CENPE: variants seen among roughly 807,000 people sequenced by gnomAD.
CENPE encodes the protein centromere protein E.
Under a neutral mutation model 336.1 loss-of-function variants are expected in CENPE, and 145 were observed. That is an observed-to-expected ratio of 0.43 (90% CI 0.38 to 0.50). The LOEUF (loss-of-function observed/expected upper bound fraction) is 0.50, where lower values mean the gene tolerates loss of function less well. Ranked by LOEUF, CENPE falls within the 20% of genes least tolerant of loss-of-function variation. The pLI, the probability that CENPE is intolerant of heterozygous loss-of-function variation, is 0.00. For missense variants in CENPE, 2,719 were observed against 3,023.3 expected (o/e 0.90, Z 2.36); for synonymous variants, 1,013 against 984.8 (o/e 1.03, Z -0.54).
chr4:103,136,295 T>G lies in CENPE; in HGVS notation c.6368A>C (p.Asp2123Ala), dbSNP rs1402313739. The G allele has an allele frequency of 6.2e-7, 1 of 1,613,378 alleles. No homozygotes were observed. Among genetic ancestry groups the G allele is most frequent in the Non-Finnish European group, 8.5e-7 (1 of 1,179,764 alleles). Residue 2123 changes from aspartate (D) to alanine (A), a missense_variant, in exon 40 of 49, where the codon GAC becomes GCC. Coordinates refer to ENST00000265148, the MANE Select transcript of CENPE (RefSeq NM_001813.3). ...TTGGAATTCAATTTCCTTCTCCAAG[T>G]CAAGAGACAATCTATTCAAGCACTC... ...HYECLNRLSLDLEKEIEFQKE... is the reference protein window; with the variant it reads ...HYECLNRLSLALEKEIEFQKE...
intron 43 of CENPE, among the ~76,000 whole-genome samples, chr4:103,121,894 T>C (rs1578553258): frequency 6.6e-6 from 1 of 152,252 alleles, no homozygotes; most frequent in East Asian, 1.9e-4. Context: ...TGAATGTTAC[T>C]GTTATCATAC....
intron 25 of CENPE, 43 bp downstream of exon 25, chr4:103,153,004 G>T: frequency 7.3e-7 from 1 of 1,376,878 alleles, no homozygotes; most frequent in South Asian, 1.3e-5. Flanking sequence ...TGAAACAAAT[G>T]AAGACAAAAA....
chr4:103,194,588 A>G lies in CENPE; in HGVS notation c.559+15T>C, dbSNP rs758274029. On this transcript the variant is annotated intron_variant, in intron 6 of 48. Coordinates refer to ENST00000265148, the MANE Select transcript of CENPE (RefSeq NM_001813.3). ...TTTTACAAGTGTTCTAAAGAAATAC[A>G]GCATAAAGTCTTACTTTCTCCCTTT... is the stretch of plus-strand genomic sequence containing the variant. 2 of 1,585,564 alleles carry G rather than the reference A, an allele frequency of 1.3e-6. No individual in the cohort carries two copies. Among genetic ancestry groups the G allele is most frequent in the Non-Finnish European group, 1.7e-6 (2 of 1,163,508 alleles).
At position 103,155,721 on chromosome 4, in the gene CENPE, G is replaced by A. The variant is rs558500437; in HGVS notation, c.3034-2471C>T. ...GTGAGAGAGAAGAACTAAAGCATAA[G>A]GAGATGGAAATAAAAAAAAAGTTCC... On this transcript the variant is annotated intron_variant, in intron 24 of 48. Transcript: ENST00000265148. 7.2e-5 allele frequency among the ~76,000 whole-genome samples: 11 copies of A among 151,982 alleles called. No individual in the cohort carries two copies. The South Asian group carries it at 1.2e-3, about 17-fold the overall frequency.
chr4:103,126,880 CAA>C (rs1751151248), intron 42 of CENPE, among the ~76,000 whole-genome samples: 1 of 151,572 alleles, frequency 6.6e-6, no homozygotes, highest in South Asian at 2.1e-4. Context: ...AACTGAAAAG[CAA>C]AGAGTAAAAA....
At chr4:103,144,712 T>C (rs1052615977) in intron 32 of CENPE, 94 bp from the exon 33 acceptor site, 4 of 790,966 alleles carry the variant, frequency 5.1e-6, no homozygotes, top group African/African-American at 1.7e-5. Flanking sequence ...TTTTACATTG[T>C]AATCTAATGT....
intron 42 of CENPE, among the ~76,000 whole-genome samples, chr4:103,130,518 T>A (rs1751494534): frequency 6.6e-6 from 1 of 151,994 alleles, no homozygotes; most frequent in Non-Finnish European, 1.5e-5. Flanking sequence ...AATAAAAGAA[T>A]CAAATAAATG....
rs1381434688 is a variant in CENPE, at chr4:103,114,450, C to A, written c.7540+5G>T. 6.4e-7 allele frequency: 1 copy of A among 1,553,168 alleles called. No homozygotes were observed. The highest frequency in any genetic ancestry group is 2.2e-5 in the East Asian group (1 of 44,578). ...CATCTGAAAATATCTGCATTTTCTA[C>A]TTACCTGAGGTATCTTGGGCCTGTT... On this transcript the variant is annotated splice_donor_5th_base_variant and intron_variant, in intron 46 of 48. Transcript: ENST00000265148.
At chr4:103,191,453 A>G (rs895843519) in intron 8 of CENPE, among the ~76,000 whole-genome samples, 43 of 152,286 alleles carry the variant, frequency 2.8e-4, no homozygotes, top group East Asian at 9.6e-4. Context: ...ATACACCATG[A>G]AATTCTATGC....
intron 42 of CENPE, among the ~76,000 whole-genome samples, chr4:103,129,081 A>G (rs2125887476): frequency 6.6e-6 from 1 of 152,328 alleles, no homozygotes; most frequent in South Asian, 2.1e-4. Context: ...CTCAATTATT[A>G]CAACCCACAA....
chr4:103,185,324 A>AT (rs1756672959), intron 9 of CENPE, among the ~76,000 whole-genome samples: 1 of 151,410 alleles, frequency 6.6e-6, no homozygotes, highest in Admixed American at 6.6e-5. Context: ...AAAAAAAAAA[A>AT]GTTTTCTTTA....
intron 42 of CENPE, among the ~76,000 whole-genome samples, chr4:103,130,688 A>G (rs1488891200): frequency 6.6e-6 from 1 of 152,212 alleles, no homozygotes; most frequent in African/African-American, 2.4e-5. Context: ...CAAAGGACCC[A>G]GAATAACCAA....
chr4:103,137,006 A>G (rs1752124773), intron 39 of CENPE, among the ~76,000 whole-genome samples: 1 of 152,188 alleles, frequency 6.6e-6, no homozygotes, highest in Admixed American at 6.5e-5. Context: ...ATCTATACCT[A>G]TATACCTATG....
chr4:103,108,723 C>T (rs1369457951), intron 48 of CENPE, 80 bp downstream of exon 48: 2 of 1,300,342 alleles, frequency 1.5e-6, no homozygotes, highest in Middle Eastern at 1.9e-4. Context: ...CTTATCTAAA[C>T]TTGCCCTTTG....
At chr4:103,117,040 T>G (rs1031769543) in intron 44 of CENPE, among the ~76,000 whole-genome samples, 3 of 151,892 alleles carry the variant, frequency 2.0e-5, no homozygotes, top group African/African-American at 7.3e-5. Context: ...AATCAGAAAA[T>G]GAAACAAAAA....
intron 16 of CENPE, among the ~76,000 whole-genome samples, chr4:103,173,553 T>C (rs879270529): frequency 2.0e-5 from 3 of 151,826 alleles, no homozygotes; most frequent in African/African-American, 7.3e-5. Flanking sequence ...AAAGAGACAA[T>C]ATTTGCAAAA....
chr4:103,138,228 T>C (rs1752234673), intron 39 of CENPE, 123 bp downstream of exon 39: 1 of 698,814 alleles, frequency 1.4e-6, no homozygotes. Flanking sequence ...TAGATTACAA[T>C]GTTTAGAAAA....
chr4:103,140,485 T>A, intron 36 of CENPE, 71 bp from the exon 37 acceptor site: 3 of 1,102,114 alleles, frequency 2.7e-6, no homozygotes, highest in South Asian at 1.8e-5. Context: ...TGATTGAGTT[T>A]AAACAAAATC....
At chr4:103,115,282 T>A (rs1749989511) in intron 45 of CENPE, among the ~76,000 whole-genome samples, 1 of 151,938 alleles carries the variant, frequency 6.6e-6, no homozygotes, top group African/African-American at 2.4e-5. Context: ...TACAGGCACC[T>A]GCCACCACGC....
Sources: gnomAD v4.1 joint callset for allele counts (sites outside exome capture counted in the v4.1 genomes callset) on GRCh38, gnomAD v4.1.1 for gene constraint, MANE v1.5 for transcripts, NCBI Gene and HGNC (gene_info 2026-07-23, HGNC 2026-07-21) for gene names.